Variants in FHOD3 observed in about 807,000 individuals in gnomAD.
FHOD3 encodes the protein formin homology 2 domain containing 3, also known as FH1/FH2 domain-containing protein 3.
FHOD3 carries 90 observed loss-of-function variants against 173.0 expected under a neutral mutation model. The observed-to-expected ratio is 0.52, with a 90% CI of 0.44 to 0.62. The LOEUF (loss-of-function observed/expected upper bound fraction) is 0.62, where lower values mean the gene tolerates loss of function less well. Ranked by LOEUF, FHOD3 falls within the 20% of genes least tolerant of loss-of-function variation. The pLI is 0.00. For synonymous variants in FHOD3, 828 were observed against 823.0 expected (o/e 1.01, Z -0.10); for missense variants, 1,945 against 2,034.7 (o/e 0.96, Z 0.85).
At chr18:36,604,202 C>T (rs2031791871) in intron 8 of FHOD3, among the ~76,000 whole-genome samples, 2 of 151,972 alleles carry the variant, frequency 1.3e-5, no homozygotes, top group South Asian at 4.1e-4. Context: ...CATGGGCCTT[C>T]CTTGTACTCT....
chr18:36,750,526 T>C (rs1203906146), intron 24 of FHOD3, among the ~76,000 whole-genome samples: 1 of 152,228 alleles, frequency 6.6e-6, no homozygotes, highest in Non-Finnish European at 1.5e-5. Flanking sequence ...TTCATTGTGA[T>C]TGCTTTTGGT....
Position 36,468,484 on chromosome 18 carries a change from G to A in FHOD3, c.338-33448G>A, listed in dbSNP as rs368645994. Among the ~76,000 whole-genome samples the A allele has an allele frequency of 9.2e-5, 14 of 152,282 alleles. No individual in the cohort carries two copies. In the East Asian group the frequency reaches 1.5e-3, roughly 17 times the overall value. On this transcript the variant is annotated intron_variant, in intron 3 of 28. Transcript: ENST00000590592. ...GGGGCTCTGGAGACAGGCCACAGGA[G>A]TCTGCCGTGGGCGAGGGAGCTGCCC... is the stretch of plus-strand genomic sequence containing the variant.
chr18:36,518,047 T>C (rs1386129707), intron 5 of FHOD3, among the ~76,000 whole-genome samples: 2 of 152,170 alleles, frequency 1.3e-5, no homozygotes, highest in Non-Finnish European at 2.9e-5. Context: ...AATGATCAAG[T>C]GGTAATTAAA....
At chr18:36,376,470 C>T (rs534250826) in intron 3 of FHOD3, among the ~76,000 whole-genome samples, 5 of 152,274 alleles carry the variant, frequency 3.3e-5, no homozygotes, top group African/African-American at 1.2e-4. Context: ...TTTATGCTTG[C>T]AGCTGTGAAA....
At chr18:36,669,395 A>G (rs1444346585) in intron 14 of FHOD3, among the ~76,000 whole-genome samples, 2 of 151,610 alleles carry the variant, frequency 1.3e-5, no homozygotes, top group Admixed American at 6.6e-5. Flanking sequence ...GATAATCTCT[A>G]CCTTTTAATT....
At chr18:36,528,982 C>T (rs541108285) in intron 5 of FHOD3, among the ~76,000 whole-genome samples, 1 of 152,294 alleles carries the variant, frequency 6.6e-6, no homozygotes, top group Admixed American at 6.5e-5. Flanking sequence ...GGTAGCTGCT[C>T]ATGCTCTTGG....
intron 7 of FHOD3, among the ~76,000 whole-genome samples, chr18:36,600,980 A>G (rs1362872558): frequency 6.6e-6 from 1 of 152,232 alleles, no homozygotes; most frequent in Admixed American, 6.5e-5. Flanking sequence ...TTACAAACAC[A>G]AATGGCGGCA....
intron 10 of FHOD3, 28 bp downstream of exon 10, chr18:36,625,777 G>C (rs916951667): frequency 2.1e-5 from 32 of 1,552,702 alleles, no homozygotes; most frequent in Non-Finnish European, 2.7e-5. Flanking sequence ...AGTGGAGAGG[G>C]GTGCAAGGAT....
intron 1 of FHOD3, among the ~76,000 whole-genome samples, chr18:36,322,884 T>G (rs565377887): frequency 6.6e-6 from 1 of 152,216 alleles, no homozygotes; most frequent in Non-Finnish European, 1.5e-5. Context: ...TGACACTTAC[T>G]GCTGTCTGTT....
chr18:36,594,182 T>G (rs977117835), intron 6 of FHOD3, among the ~76,000 whole-genome samples: 8 of 152,126 alleles, frequency 5.3e-5, no homozygotes, highest in African/African-American at 1.9e-4. Flanking sequence ...GAGGGAGGGC[T>G]TCTGCCTGTG....
intron 3 of FHOD3, among the ~76,000 whole-genome samples, chr18:36,423,131 C>G (rs1345171947): frequency 6.6e-6 from 1 of 151,374 alleles, no homozygotes; most frequent in African/African-American, 2.4e-5. Context: ...CCCCAAACTT[C>G]ATGTTCAAAT....
intron 10 of FHOD3, among the ~76,000 whole-genome samples, chr18:36,641,136 C>A (rs759418220): frequency 3.3e-5 from 5 of 152,104 alleles, no homozygotes; most frequent in Non-Finnish European, 5.9e-5. Flanking sequence ...CTGCAGCAGG[C>A]AGCAAATACT....
intron 14 of FHOD3, among the ~76,000 whole-genome samples, chr18:36,666,574 A>T (rs2037197177): frequency 6.6e-6 from 1 of 152,146 alleles, no homozygotes; most frequent in Admixed American, 6.6e-5. Flanking sequence ...TTTGACCTCT[A>T]AGTCTTCATA....
At chr18:36,760,819 C>T in intron 27 of FHOD3, 37 bp downstream of exon 27, 5 of 1,565,806 alleles carry the variant, frequency 3.2e-6, no homozygotes, top group Non-Finnish European at 4.3e-6. Flanking sequence ...CTTGTCTTCT[C>T]AGGTTGGCCG....
At chr18:36,602,798 C>T (rs373545794) in intron 8 of FHOD3, 30 bp downstream of exon 8, 182 of 1,521,734 alleles carry the variant, frequency 1.2e-4, no homozygotes, top group Non-Finnish European at 6.1e-5. Flanking sequence ...GGTTGAATTG[C>T]GTCACCTAAA....
chr18:36,325,575 C>A (rs1261359287), intron 1 of FHOD3, among the ~76,000 whole-genome samples: 1 of 152,178 alleles, frequency 6.6e-6, no homozygotes, highest in Admixed American at 6.5e-5. Flanking sequence ...CCTTTCTCTC[C>A]TTCAGATGCA....
intron 25 of FHOD3, among the ~76,000 whole-genome samples, chr18:36,758,503 C>T (rs1174409989): frequency 2.0e-5 from 3 of 152,210 alleles, no homozygotes; most frequent in Non-Finnish European, 4.4e-5. Flanking sequence ...AAATTAATTT[C>T]ATGCTCCTGA....
chr18:36,321,008 G>T (rs2044365299), intron 1 of FHOD3, among the ~76,000 whole-genome samples: 1 of 151,686 alleles, frequency 6.6e-6, no homozygotes, highest in Admixed American at 6.6e-5. Flanking sequence ...TTCCTCATCT[G>T]CAAAATGAGA....
At chr18:36,730,202 TCTC>T (rs1268947883) in intron 19 of FHOD3, among the ~76,000 whole-genome samples, 1 of 152,068 alleles carries the variant, frequency 6.6e-6, no homozygotes, top group African/African-American at 2.4e-5. Context: ...GGTGCTGTAT[TCTC>T]CTTATTGATC....
Sources: allele counts gnomAD v4.1 joint callset (sites outside exome capture counted in the v4.1 genomes callset), GRCh38; gene constraint gnomAD v4.1.1; transcripts MANE v1.5; gene names NCBI Gene and HGNC (gene_info 2026-07-23, HGNC 2026-07-21).